Variants in DDX60 observed in about 807,000 individuals in gnomAD.
The protein encoded by DDX60 is DExD/H-box helicase 60.
In DDX60, 165 loss-of-function variants were observed where a neutral mutation model predicts 212.8. The observed-to-expected ratio is 0.78, with a 90% CI of 0.68 to 0.88. The LOEUF (loss-of-function observed/expected upper bound fraction) is 0.88. DDX60 is among the 40% of genes least tolerant of loss of function. The pLI is 0.00. For synonymous variants in DDX60, 703 were observed against 685.3 expected (o/e 1.03, Z -0.40); for missense variants, 1,905 against 2,003.9 (o/e 0.95, Z 0.94).
chr4:168,261,470 T>C (rs79910426), intron 24 of DDX60, among the ~76,000 whole-genome samples: 6,650 of 152,292 alleles, frequency 0.044, 205 homozygotes, highest in Non-Finnish European at 0.067. Context: ...AAAAGTCTAA[T>C]ATATGTCATT....
chr4:168,291,995 C>A, intron 7 of DDX60, 89 bp from the exon 8 acceptor site: 1 of 774,946 alleles, frequency 1.3e-6, no homozygotes, highest in Non-Finnish European at 1.9e-6. Flanking sequence ...CTGACAGCTA[C>A]CTTTGCTGTT....
At position 168,225,607 on chromosome 4, in the gene DDX60, C is replaced by T; in HGVS notation, c.4603G>A (p.Asp1535Asn). Residue 1535 changes from aspartate to asparagine, a missense_variant, in exon 34 of 38, where the codon GAC becomes AAC. By Grantham distance (23) the Asp-to-Asn change is conservative. Coordinates refer to ENST00000393743, the MANE Select transcript of DDX60 (RefSeq NM_017631.6). ...ACAATTCGTAGGAAAGTGGTAAAGT[C>T]CTCCATAATTTTCATGTTATATTCA... ...LDEYNMKIME[D>N]FTTFLRIVSK... is the part of the protein sequence containing the mutation. The T allele has an allele frequency of 6.2e-7, 1 of 1,611,526 alleles. No individual in the cohort carries two copies. The highest frequency in any genetic ancestry group is 8.5e-7 in the Non-Finnish European group (1 of 1,178,788).
At chr4:168,315,404 C>T (rs1390701230) in intron 1 of DDX60, among the ~76,000 whole-genome samples, 2 of 152,192 alleles carry the variant, frequency 1.3e-5, no homozygotes, top group African/African-American at 4.8e-5. Flanking sequence ...TCATAAATTT[C>T]ACCAACCATA....
At chr4:168,297,532 C>T (rs1736457678) in intron 6 of DDX60, among the ~76,000 whole-genome samples, 1 of 151,806 alleles carries the variant, frequency 6.6e-6, no homozygotes, top group African/African-American at 2.4e-5. Flanking sequence ...GGTAGGAAAA[C>T]AACCAAATGA....
chr4:168,238,922 C>G (rs994155778), intron 30 of DDX60, among the ~76,000 whole-genome samples: 1 of 152,128 alleles, frequency 6.6e-6, no homozygotes, highest in African/African-American at 2.4e-5. Flanking sequence ...GGGCCAAAAA[C>G]TATTCATCCA....
chr4:168,268,820 A>T (rs555606096), intron 20 of DDX60, 34 bp downstream of exon 20: 2 of 1,202,896 alleles, frequency 1.7e-6, no homozygotes, highest in East Asian at 2.4e-5. Flanking sequence ...CAAAATAGAT[A>T]AACACTCTGT....
intron 10 of DDX60, among the ~76,000 whole-genome samples, chr4:168,286,389 TACACACAC>T (rs71867661): frequency 7.5e-6 from 1 of 133,756 alleles, no homozygotes; most frequent in Non-Finnish European, 1.6e-5. Flanking sequence ...CTTGATTTTA[TACACACAC>T]ACACACACAC....
intron 10 of DDX60, among the ~76,000 whole-genome samples, chr4:168,286,725 T>G (rs185033250): frequency 2.4e-4 from 36 of 152,214 alleles, no homozygotes; most frequent in African/African-American, 7.7e-4. Context: ...ATGTTTGGTG[T>G]CTCTTATTCA....
chr4:168,258,206 A>G (rs547053524), intron 25 of DDX60, among the ~76,000 whole-genome samples: 1 of 152,366 alleles, frequency 6.6e-6, no homozygotes, highest in Admixed American at 6.5e-5. Context: ...GCACTGTACT[A>G]AGTGCTTTCA....
intron 7 of DDX60, 149 bp from the exon 8 acceptor site, chr4:168,292,055 T>C (rs1250861996): frequency 1.4e-5 from 8 of 576,422 alleles, no homozygotes; most frequent in African/African-American, 2.0e-5. Context: ...CTTTCTTTTT[T>C]TTTTTTTTTT....
At chr4:168,224,560 C>T (rs1203595213) in intron 34 of DDX60, among the ~76,000 whole-genome samples, 175 bp from the exon 35 acceptor site, 10 of 151,986 alleles carry the variant, frequency 6.6e-5, no homozygotes, top group African/African-American at 1.7e-4. Context: ...GCACAGAATA[C>T]ATTCAATGAA....
the DDX60 span, among the ~76,000 whole-genome samples, chr4:168,324,305 C>T: frequency 1.3e-5 from 2 of 152,084 alleles, no homozygotes; most frequent in African/African-American, 4.8e-5. Context: ...CAATGGTGTA[C>T]AGTACAGGGC....
chr4:168,300,429 A>G (rs545425235), intron 6 of DDX60, among the ~76,000 whole-genome samples: 1 of 152,170 alleles, frequency 6.6e-6, no homozygotes. Context: ...AGTTCCAGTT[A>G]CTTGGGAGGC....
At chr4:168,294,060 T>C in intron 6 of DDX60, 115 bp from the exon 7 acceptor site, 1 of 882,674 alleles carries the variant, frequency 1.1e-6, no homozygotes, top group Non-Finnish European at 1.6e-6. Flanking sequence ...AAATAATCTG[T>C]ACAACAAACC....
At chr4:168,246,365 T>C (rs1254111335) in intron 30 of DDX60, 53 bp downstream of exon 30, 1 of 1,609,120 alleles carries the variant, frequency 6.2e-7, no homozygotes, top group Non-Finnish European at 8.5e-7. Context: ...CAGACCTGAC[T>C]AAAGTCAGGC....
At chr4:168,222,490 CT>C (rs1376652036) in intron 35 of DDX60, among the ~76,000 whole-genome samples, 2 of 151,754 alleles carry the variant, frequency 1.3e-5, no homozygotes, top group Admixed American at 1.3e-4. Context: ...ATTTTAACAA[CT>C]AAGAAAATTC....
rs777675895 is a variant in DDX60, at chr4:168,260,939, T to G, written c.3324A>C (p.Glu1108Asp). The change falls in exon 25 of 38, where the codon GAA becomes GAC. Residue 1108 changes from glutamate (E) to aspartate (D), a missense_variant. Coordinates refer to ENST00000393743, the MANE Select transcript of DDX60 (RefSeq NM_017631.6). ...GAAGTGGAAACATGGTGATCATGTTTTCTGGACTCAAATCTGCTTCAGGAC... is the reference window on the plus strand; with the variant it reads ...GAAGTGGAAACATGGTGATCATGTTGTCTGGACTCAAATCTGCTTCAGGAC... ...NLSPEADLSP[E>D]NMITMFPLLV... is the part of the protein sequence containing the mutation. 3 of 1,613,580 alleles carry G rather than the reference T, an allele frequency of 1.9e-6. No homozygotes were observed. The East Asian group carries it at 6.7e-5, about 36-fold the overall frequency.
chr4:168,222,034 G>T (rs1733070573), intron 35 of DDX60, among the ~76,000 whole-genome samples, 153 bp from the exon 36 acceptor site: 1 of 152,098 alleles, frequency 6.6e-6, no homozygotes, highest in Non-Finnish European at 1.5e-5. Flanking sequence ...ACACATTGTG[G>T]TAGCACCATC....
At chr4:168,256,355 C>T (rs1271352600) in intron 25 of DDX60, among the ~76,000 whole-genome samples, 1 of 151,976 alleles carries the variant, frequency 6.6e-6, no homozygotes, top group African/African-American at 2.4e-5. Flanking sequence ...GATTCTTTCC[C>T]AAAGAATAAA....
Sources: allele counts gnomAD v4.1 joint callset (sites outside exome capture counted in the v4.1 genomes callset), GRCh38; gene constraint gnomAD v4.1.1; transcripts MANE v1.5; gene names NCBI Gene and HGNC (gene_info 2026-07-23, HGNC 2026-07-21).